The following FBXL20 variants were observed in gnomAD, a reference collection of about 807,000 sequenced individuals.
FBXL20 encodes the protein F-box/LRR-repeat protein 20.
FBXL20 carries 11 observed loss-of-function variants against 64.0 expected under a neutral mutation model. The ratio of observed to expected loss-of-function variants is 0.17; its 90% CI spans 0.11 to 0.28. FBXL20 has a LOEUF of 0.28. Among genes scored for constraint, FBXL20 ranks in the 10% least tolerant of loss-of-function variants. The pLI is 1.00. For synonymous variants in FBXL20, 184 were observed against 189.0 expected (o/e 0.97, Z 0.22); for missense variants, 303 against 526.2 (o/e 0.58, Z 4.15).
chr17:39,308,567 A>AT (rs2047204157), intron 2 of FBXL20, among the ~76,000 whole-genome samples: 2 of 123,770 alleles, frequency 1.6e-5, no homozygotes, highest in Admixed American at 7.8e-5. Context: ...TTAATACAAT[A>AT]ATTTTTTTTT....
chr17:39,328,568 G>A (rs1235245007), intron 2 of FBXL20, among the ~76,000 whole-genome samples: 5 of 152,090 alleles, frequency 3.3e-5, no homozygotes, highest in African/African-American at 9.7e-5. Flanking sequence ...GAATCCATAC[G>A]GATATAAACA....
At chr17:39,394,529 A>T (rs560863141) in intron 1 of FBXL20, among the ~76,000 whole-genome samples, 1 of 149,382 alleles carries the variant, frequency 6.7e-6, no homozygotes, top group African/African-American at 2.5e-5. Flanking sequence ...TGCCCACCTC[A>T]GCCTCCCAAA....
rs745570405 is a variant in FBXL20, at chr17:39,261,285, TG to T, written c.*174del. On this transcript the variant is annotated 3_prime_UTR_variant, in exon 15 of 15. Coordinates refer to ENST00000264658, the MANE Select transcript of FBXL20 (RefSeq NM_032875.3). ...CCCATGGTCACAAAGCTAGAGTGGA[TG>T]GGGGTAAGGGTGTGTATGTGTATGT... The T allele has an allele frequency of 4.6e-5, 25 of 546,510 alleles. No individual in the cohort carries two copies. Among genetic ancestry groups the T allele is most frequent in the East Asian group, 3.3e-4 (10 of 30,594 alleles). 33.9% of individuals were successfully genotyped at this position (546,510 alleles called of 1,614,324 possible). A position where few individuals can be genotyped will look rare whatever the true frequency, so the allele number is the denominator to read the frequency against.
In FBXL20 at chr17:39,254,237, G is replaced by C. The variant is rs1362402648; in HGVS notation, c.*7223C>G. The C allele has an allele frequency of 1.3e-5, 2 of 152,146 alleles. No individual in the cohort carries two copies. The highest frequency in any genetic ancestry group is 1.3e-4 in the Admixed American group (2 of 15,248). 9.4% of individuals were successfully genotyped at this position (152,146 alleles called of 1,614,324 possible). ...GGATTTTGTATTTTCAGTAGAGATG[G>C]GGTTTCACCATGTTGGCCAGGCTGT... is the stretch of plus-strand genomic sequence containing the variant. On this transcript the variant is annotated 3_prime_UTR_variant, in exon 15 of 15. Coordinates refer to ENST00000264658, the MANE Select transcript of FBXL20 (RefSeq NM_032875.3).
intron 4 of FBXL20, among the ~76,000 whole-genome samples, chr17:39,300,624 A>T (rs2047125327): frequency 1.3e-5 from 2 of 152,198 alleles, no homozygotes; most frequent in African/African-American, 2.4e-5. Context: ...ATCTCAAAAA[A>T]ATATATACGA....
intron 2 of FBXL20, among the ~76,000 whole-genome samples, chr17:39,309,287 A>G (rs751835909): frequency 9.2e-5 from 14 of 152,160 alleles, no homozygotes; most frequent in Non-Finnish European, 1.5e-5. Context: ...ACTGTTTTTG[A>G]GTTATCGTCT....
chr17:39,275,131 T>C (rs901901847), intron 9 of FBXL20, 31 bp from the exon 10 acceptor site: 6 of 1,581,984 alleles, frequency 3.8e-6, no homozygotes, highest in East Asian at 2.3e-5. Context: ...AATCCATAGA[T>C]ATTAGTATCT....
intron 2 of FBXL20, among the ~76,000 whole-genome samples, chr17:39,315,866 A>AGAGAGAGC (rs1167410862): frequency 7.4e-4 from 98 of 132,728 alleles, no homozygotes; most frequent in Non-Finnish European, 8.7e-4. Context: ...AGAGAGAGAG[A>AGAGAGAGC]GAGAGCAACT....
At chr17:39,342,498 G>A (rs950625730) in intron 2 of FBXL20, among the ~76,000 whole-genome samples, 27 of 152,114 alleles carry the variant, frequency 1.8e-4, no homozygotes, top group South Asian at 6.2e-4. Context: ...GGCAGATCAC[G>A]AGGTCAGGAG....
At chr17:39,320,114 T>C (rs1332152662) in intron 2 of FBXL20, among the ~76,000 whole-genome samples, 1 of 152,186 alleles carries the variant, frequency 6.6e-6, no homozygotes, top group Non-Finnish European at 1.5e-5. Flanking sequence ...TTGTTTCTTA[T>C]ATAAACTAGT....
intron 3 of FBXL20, among the ~76,000 whole-genome samples, chr17:39,302,785 T>C (rs1248753737): frequency 6.6e-6 from 1 of 152,174 alleles, no homozygotes; most frequent in African/African-American, 2.4e-5. Context: ...GAAGGGATTA[T>C]AGGTGTGAAC....
At chr17:39,392,731 G>A (rs969567437) in intron 1 of FBXL20, among the ~76,000 whole-genome samples, 1 of 151,936 alleles carries the variant, frequency 6.6e-6, no homozygotes, top group African/African-American at 2.4e-5. Context: ...GTAAAACTGA[G>A]GCTGGGCGAG....
intron 1 of FBXL20, 31 bp downstream of exon 1, chr17:39,401,330 C>G: frequency 6.2e-7 from 1 of 1,612,328 alleles, no homozygotes; most frequent in Non-Finnish European, 8.5e-7. Flanking sequence ...ACCCGCCCTC[C>G]TCACGCCGCC....
At chr17:39,391,099 T>C (rs946754867) in intron 1 of FBXL20, among the ~76,000 whole-genome samples, 1 of 151,926 alleles carries the variant, frequency 6.6e-6, no homozygotes. Flanking sequence ...TTCCATTAAA[T>C]AGTAAGTTCC....
At chr17:39,348,760 T>C (rs1288754375) in intron 1 of FBXL20, among the ~76,000 whole-genome samples, 1 of 152,142 alleles carries the variant, frequency 6.6e-6, no homozygotes, top group East Asian at 1.9e-4. Flanking sequence ...AGTACAGTGG[T>C]CCTATCATAG....
intron 1 of FBXL20, among the ~76,000 whole-genome samples, chr17:39,389,104 C>CAAAAAAAA (rs752930971): frequency 5.7e-5 from 3 of 52,696 alleles, no homozygotes; most frequent in Admixed American, 2.3e-4. Flanking sequence ...AACTCCATCT[C>CAAAAAAAA]AAAAAAAAAA....
intron 9 of FBXL20, 39 bp downstream of exon 9, chr17:39,281,350 A>C: frequency 6.4e-7 from 1 of 1,574,368 alleles, no homozygotes; most frequent in Non-Finnish European, 8.7e-7. Flanking sequence ...TAATGAAATG[A>C]ATTACTAAAA....
At chr17:39,315,755 A>C (rs1175525564) in intron 2 of FBXL20, among the ~76,000 whole-genome samples, 1 of 149,268 alleles carries the variant, frequency 6.7e-6, no homozygotes, top group African/African-American at 2.4e-5. Context: ...AACAGGAGGA[A>C]GGTGGCATGG....
rs1333636535 is a variant in FBXL20 at position 39,254,012 on chromosome 17, CAATGAGGTACAGATCTGAATT to C, written c.*7427_*7447del. 3 of 152,200 alleles carry C rather than the reference CAATGAGGTACAGATCTGAATT, an allele frequency of 2.0e-5. No homozygotes were observed. The highest frequency in any genetic ancestry group is 4.4e-5 in the Non-Finnish European group (3 of 68,022). The allele number at this position is 152,200 out of a possible 1,614,324, so 9.4% of individuals were successfully genotyped here. ...GTAAGAAACATATATGTGTGAGCAG[CAATGAGGTACAGATCTGAATT>C]AATGAGATAATGGCAAGAGAAACTT... On this transcript the variant is annotated 3_prime_UTR_variant, in exon 15 of 15. Transcript: ENST00000264658.
Sources: gnomAD v4.1 joint callset for allele counts (sites outside exome capture counted in the v4.1 genomes callset) on GRCh38, gnomAD v4.1.1 for gene constraint, MANE v1.5 for transcripts, NCBI Gene and HGNC (gene_info 2026-07-23, HGNC 2026-07-21) for gene names.